The following PIEZO2 variants were observed in gnomAD, a reference collection of about 807,000 sequenced individuals.
PIEZO2 encodes the protein piezo-type mechanosensitive ion channel component 2.
In PIEZO2, 172 loss-of-function variants were observed where a neutral mutation model predicts 337.3. That is an observed-to-expected ratio of 0.51 (90% CI 0.45 to 0.58). PIEZO2 has a LOEUF of 0.58. Ranked by LOEUF, PIEZO2 falls within the 20% of genes least tolerant of loss-of-function variation. The pLI, the probability that PIEZO2 is intolerant of heterozygous loss-of-function variation, is 0.00. For missense variants in PIEZO2, 3,028 were observed against 3,391.3 expected, an observed-to-expected ratio of 0.89 and a Z score of 2.66; for synonymous variants, 1,251 against 1,228.5, an observed-to-expected ratio of 1.02 and a Z score of -0.38.
At chr18:11,052,808 G>A (rs2037579055) in intron 2 of PIEZO2, among the ~76,000 whole-genome samples, 1 of 152,156 alleles carries the variant, frequency 6.6e-6, no homozygotes, top group Non-Finnish European at 1.5e-5. Context: ...GTAACATACA[G>A]GTATGTGATG....
At chr18:11,141,794 A>G (rs2040656206) in intron 1 of PIEZO2, among the ~76,000 whole-genome samples, 1 of 152,170 alleles carries the variant, frequency 6.6e-6, no homozygotes, top group Non-Finnish European at 1.5e-5. Context: ...GACAATACTG[A>G]GGCGACAATA....
Position 10,954,714 on chromosome 18 carries a change from C to A in PIEZO2, c.286+24821G>T, listed in dbSNP as rs2033444140. 6.6e-6 allele frequency among the ~76,000 whole-genome samples: 1 copy of A among 152,148 alleles called. No homozygotes were observed. Among genetic ancestry groups the A allele is most frequent in the Non-Finnish European group, 1.5e-5 (1 of 68,020 alleles). ...CTGGTTGCCATGGTGATGGCTGTGG[C>A]AGAAGCAAGTGGCCACAGGTCCCAG... is the stretch of plus-strand genomic sequence containing the variant. On this transcript the variant is annotated intron_variant, in intron 3 of 55. Coordinates refer to ENST00000674853, the MANE Select transcript of PIEZO2 (RefSeq NM_001378183.1). This position sits in a 1 kb window ranked among gnomAD's most constrained non-coding sequence, Gnocchi z 4.2.
At chr18:10,736,033 A>G (rs553444900) in intron 34 of PIEZO2, among the ~76,000 whole-genome samples, 1 of 152,348 alleles carries the variant, frequency 6.6e-6, no homozygotes, top group East Asian at 1.9e-4. Context: ...GGTGAGCTAT[A>G]GCTGAGAATG....
intron 47 of PIEZO2, among the ~76,000 whole-genome samples, chr18:10,694,067 C>T (rs1321183197): frequency 3.3e-5 from 5 of 152,078 alleles, no homozygotes; most frequent in Non-Finnish European, 7.4e-5. Context: ...TTCTGGGTAA[C>T]AATCCTTTAT....
intron 26 of PIEZO2, among the ~76,000 whole-genome samples, chr18:10,758,873 C>G (rs1453415788): frequency 6.6e-6 from 1 of 152,192 alleles, no homozygotes; most frequent in Non-Finnish European, 1.5e-5. Context: ...GGGCTGAGGC[C>G]AAGCCTGCCT....
Position 10,803,864 on chromosome 18 carries a change from T to C in PIEZO2, c.1200+11A>G. The C allele has an allele frequency of 6.5e-7, 1 of 1,536,440 alleles. No individual in the cohort carries two copies. The highest frequency in any genetic ancestry group is 1.2e-5 in the South Asian group (1 of 83,774). ...AATTAGGGAACGGAAATCCCTTTCA[T>C]CATGGCTTACTTTTCTCTCATCAGT... On this transcript the variant is annotated intron_variant, in intron 9 of 55. Transcript: ENST00000674853.
intron 49 of PIEZO2, among the ~76,000 whole-genome samples, chr18:10,684,267 G>A (rs1370082662): frequency 6.0e-5 from 8 of 132,236 alleles, no homozygotes; most frequent in South Asian, 2.5e-4. Context: ...CTGGGTTCAC[G>A]CCATTCTCCT....
chr18:10,700,096 G>A (rs745378105), intron 43 of PIEZO2, among the ~76,000 whole-genome samples: 2 of 152,048 alleles, frequency 1.3e-5, no homozygotes, highest in African/African-American at 4.8e-5. Flanking sequence ...TTAGCTTTTC[G>A]TAATGGGATT....
intron 2 of PIEZO2, among the ~76,000 whole-genome samples, chr18:11,065,112 T>C (rs1455658331): frequency 6.6e-6 from 1 of 152,228 alleles, no homozygotes; most frequent in Non-Finnish European, 1.5e-5. Flanking sequence ...CAGTCATAAC[T>C]ACTATGATGA....
At chr18:10,762,769 G>A (rs540261929) in intron 22 of PIEZO2, 144 bp from the exon 23 acceptor site, 12 of 1,313,486 alleles carry the variant, frequency 9.1e-6, no homozygotes, top group African/African-American at 1.5e-5. Flanking sequence ...AGTATGAGAC[G>A]AGGCTTAACA....
chr18:10,681,996 G>A (rs1165155326), intron 50 of PIEZO2, 108 bp downstream of exon 50: 2 of 1,128,184 alleles, frequency 1.8e-6, no homozygotes, highest in Non-Finnish European at 2.5e-6. Context: ...GCAGTCAAAT[G>A]CCGACAGCAG....
At chr18:10,797,944 T>C (rs1474525407) in intron 11 of PIEZO2, among the ~76,000 whole-genome samples, 1 of 152,236 alleles carries the variant, frequency 6.6e-6, no homozygotes, top group East Asian at 1.9e-4. Context: ...GTTTTCATCT[T>C]GAGTGCTCTC....
chr18:10,758,988 G>T (rs2038006385), intron 26 of PIEZO2, among the ~76,000 whole-genome samples: 1 of 152,196 alleles, frequency 6.6e-6, no homozygotes, highest in Non-Finnish European at 1.5e-5. Context: ...CTCTGGTCTT[G>T]GAGGAGCTGC....
At chr18:10,826,726 C>T (rs2040688292) in intron 7 of PIEZO2, among the ~76,000 whole-genome samples, 1 of 152,166 alleles carries the variant, frequency 6.6e-6, no homozygotes, top group Non-Finnish European at 1.5e-5. Flanking sequence ...AATTTGCAGA[C>T]ATTAAGGCAT....
rs145376231 is a variant in PIEZO2 at position 10,672,337 on chromosome 18, G to T, written c.8345+353C>A. Reference sequence around the variant, plus strand: ...CGATGTTTCAGAAGTTCAAAAGCAGGATGTCTAATAGATCCATCTGCTAAG... The same window carrying T: ...CGATGTTTCAGAAGTTCAAAAGCAGTATGTCTAATAGATCCATCTGCTAAG... On this transcript the variant is annotated intron_variant, in intron 55 of 55. Coordinates refer to ENST00000674853, the MANE Select transcript of PIEZO2 (RefSeq NM_001378183.1). This position sits in a 1 kb window ranked among gnomAD's most constrained non-coding sequence, Gnocchi z 4.7. 4.6e-3 allele frequency among the ~76,000 whole-genome samples: 700 copies of T among 152,270 alleles called. 3 individuals are homozygous for T. The highest frequency in any genetic ancestry group is 0.016 in the African/African-American group (668 of 41,558).
rs1354563729 is a variant in PIEZO2 at position 10,853,330 on chromosome 18, T to C, written c.917+2023A>G. Among the ~76,000 whole-genome samples the C allele has an allele frequency of 6.6e-6, 1 of 152,248 alleles. No homozygotes were observed. The highest frequency in any genetic ancestry group is 6.5e-5 in the Admixed American group (1 of 15,282). On this transcript the variant is annotated intron_variant, in intron 7 of 55. Coordinates refer to ENST00000674853, the MANE Select transcript of PIEZO2 (RefSeq NM_001378183.1). The surrounding 1 kb of genome is among the most constrained non-coding windows in gnomAD (Gnocchi z 4.2). Reference sequence around the variant, plus strand: ...ACCGTGCACTTGATCTCAAGTCGCCTGCTTAGCCCACTTCCAAGTGTACTT... The same window carrying C: ...ACCGTGCACTTGATCTCAAGTCGCCCGCTTAGCCCACTTCCAAGTGTACTT...
chr18:10,840,166 T>C (rs1305909628), intron 7 of PIEZO2, among the ~76,000 whole-genome samples: 3 of 152,224 alleles, frequency 2.0e-5, no homozygotes, highest in East Asian at 1.9e-4. Flanking sequence ...ACATGTACCA[T>C]GGAAACGTAG....
intron 1 of PIEZO2, among the ~76,000 whole-genome samples, chr18:11,114,484 G>A (rs1188475180): frequency 1.3e-5 from 2 of 152,158 alleles, no homozygotes; most frequent in East Asian, 1.9e-4. Context: ...TGGCCAACAT[G>A]GCAAAACGTC....
intron 4 of PIEZO2, among the ~76,000 whole-genome samples, chr18:10,901,430 GCA>G (rs34887184): frequency 0.53 from 78,865 of 147,754 alleles, 21,019 homozygotes; most frequent in East Asian, 0.78. Context: ...ACACACACAC[GCA>G]CACACACACA....
Sources: gnomAD v4.1 joint callset for allele counts (sites outside exome capture counted in the v4.1 genomes callset) on GRCh38, gnomAD v4.1.1 for gene constraint, Gnocchi (gnomAD v3.1) non-coding constraint, MANE v1.5 for transcripts, NCBI Gene and HGNC (gene_info 2026-07-23, HGNC 2026-07-21) for gene names.